The following ADIPOR2 variants were observed in gnomAD, a reference collection of about 807,000 sequenced individuals.
ADIPOR2 encodes the protein adiponectin receptor protein 2.
ADIPOR2 carries 18 observed loss-of-function variants against 40.9 expected under a neutral mutation model. That is an observed-to-expected ratio of 0.44 (90% CI 0.30 to 0.65). The LOEUF is 0.65. ADIPOR2 is among the 30% of genes least tolerant of loss of function. The pLI, the probability that ADIPOR2 is intolerant of heterozygous loss-of-function variation, is 0.09. For missense variants in ADIPOR2, 283 were observed against 479.2 expected (o/e 0.59, Z 3.82); for synonymous variants, 165 against 166.4 (o/e 0.99, Z 0.06).
chr12:1,729,898 TAATG>T (rs1386949111), intron 1 of ADIPOR2, among the ~76,000 whole-genome samples: 1 of 152,088 alleles, frequency 6.6e-6, no homozygotes, highest in Non-Finnish European at 1.5e-5. Context: ...TTGAACAAAT[TAATG>T]AATGAATGAA....
chr12:1,708,238 A>G (rs924668568), intron 1 of ADIPOR2, among the ~76,000 whole-genome samples: 16 of 146,156 alleles, frequency 1.1e-4, no homozygotes, highest in Admixed American at 2.1e-4. Flanking sequence ...TTTGGTGTTC[A>G]GTTTTGGGTG....
chr12:1,717,828 A>G (rs1310141820), intron 1 of ADIPOR2, among the ~76,000 whole-genome samples: 1 of 152,044 alleles, frequency 6.6e-6, no homozygotes, highest in African/African-American at 2.4e-5. Context: ...GTAAAATATA[A>G]TGTATTTTGT....
intron 1 of ADIPOR2, among the ~76,000 whole-genome samples, chr12:1,692,657 A>G (rs970414899): frequency 6.7e-6 from 1 of 150,358 alleles, no homozygotes; most frequent in Admixed American, 6.6e-5. Flanking sequence ...TTTTTTTTCT[A>G]TCCCTAGGCT....
intron 1 of ADIPOR2, among the ~76,000 whole-genome samples, chr12:1,744,733 T>TA (rs1565646035): frequency 6.6e-6 from 1 of 152,236 alleles, no homozygotes; most frequent in Admixed American, 6.5e-5. Context: ...ACCTTACAAT[T>TA]AAAAAATCCT....
intron 2 of ADIPOR2, among the ~76,000 whole-genome samples, chr12:1,767,613 A>G (rs1179514783): frequency 6.6e-6 from 1 of 152,182 alleles, no homozygotes; most frequent in African/African-American, 2.4e-5. Context: ...CAACCTGTCA[A>G]CTTGTAAAAA....
At chr12:1,765,218 T>C (rs1862352076) in intron 2 of ADIPOR2, among the ~76,000 whole-genome samples, 1 of 152,196 alleles carries the variant, frequency 6.6e-6, no homozygotes, top group Non-Finnish European at 1.5e-5. Context: ...AATTTGTATT[T>C]TGTGATTCAC....
chr12:1,711,547 T>G lies in ADIPOR2; in HGVS notation c.-87+20356T>G, dbSNP rs551451020. Reference sequence around the variant, plus strand: ...GGGTAGACAGAAATTTACCCTGGCTTTTAAAGGAATAGGGTACACTGTTTT... The same window carrying G: ...GGGTAGACAGAAATTTACCCTGGCTGTTAAAGGAATAGGGTACACTGTTTT... On this transcript the variant is annotated intron_variant, in intron 1 of 7. Coordinates refer to ENST00000357103, the MANE Select transcript of ADIPOR2 (RefSeq NM_024551.3). Among the ~76,000 whole-genome samples, 20 of 152,208 alleles carry G rather than the reference T, an allele frequency of 1.3e-4. No individual in the cohort carries two copies. In the South Asian group the frequency reaches 4.1e-3, roughly 32 times the overall value.
chr12:1,739,518 A>G (rs2154442860), intron 1 of ADIPOR2, among the ~76,000 whole-genome samples: 1 of 152,372 alleles, frequency 6.6e-6, no homozygotes, highest in Non-Finnish European at 1.5e-5. Context: ...ATGTTTTGTG[A>G]TAGATGAATG....
intron 1 of ADIPOR2, among the ~76,000 whole-genome samples, chr12:1,725,486 A>G (rs906792846): frequency 2.0e-5 from 3 of 152,224 alleles, no homozygotes; most frequent in African/African-American, 7.2e-5. Context: ...TACATGTAAA[A>G]TGATGCTATT....
chr12:1,720,746 C>A (rs1485717002), intron 1 of ADIPOR2, among the ~76,000 whole-genome samples: 1 of 152,148 alleles, frequency 6.6e-6, no homozygotes, highest in African/African-American at 2.4e-5. Flanking sequence ...ATGGAATTGG[C>A]TTGTAGCCTA....
rs1312970738 is a variant in ADIPOR2 at position 1,788,161 on chromosome 12, A to AC, written c.*2093dup. On this transcript the variant is annotated 3_prime_UTR_variant, in exon 8 of 8. Transcript: ENST00000357103. ...GCAGCCTCTGGGTGCAGTCACCCAC[A>AC]CCCCAAAGCTGGAAGGATCTGGTTC... 1 of 152,768 alleles carries AC rather than the reference A, an allele frequency of 6.5e-6. No individual in the cohort carries two copies. Among genetic ancestry groups the AC allele is most frequent in the African/African-American group, 2.4e-5 (1 of 41,446 alleles). The allele number at this position is 152,768 out of a possible 1,614,324, so 9.5% of individuals were successfully genotyped here.
chr12:1,721,800 G>T (rs535668820), intron 1 of ADIPOR2, among the ~76,000 whole-genome samples: 20 of 152,154 alleles, frequency 1.3e-4, no homozygotes, highest in Non-Finnish European at 2.5e-4. Flanking sequence ...AAAGATTAGA[G>T]GGATGAGCAT....
chr12:1,712,318 C>G (rs576970541), intron 1 of ADIPOR2, among the ~76,000 whole-genome samples: 62 of 152,096 alleles, frequency 4.1e-4, no homozygotes, highest in Non-Finnish European at 8.2e-4. Flanking sequence ...GGAGTAGCAC[C>G]TGGTATCCAA....
intron 1 of ADIPOR2, among the ~76,000 whole-genome samples, chr12:1,747,499 TACTC>T (rs2094758193): frequency 6.6e-6 from 1 of 152,190 alleles, no homozygotes; most frequent in African/African-American, 2.4e-5. Context: ...TAATTACAGG[TACTC>T]TTTCTTTTTT....
At chr12:1,724,225 C>T (rs903093259) in intron 1 of ADIPOR2, among the ~76,000 whole-genome samples, 2 of 152,160 alleles carry the variant, frequency 1.3e-5, no homozygotes, top group Non-Finnish European at 2.9e-5. Context: ...TCGTGATCCA[C>T]CTGCCTTGGC....
rs1335863962 is a variant in ADIPOR2 at position 1,786,213 on chromosome 12, T to C, written c.*141T>C. On this transcript the variant is annotated 3_prime_UTR_variant, in exon 8 of 8. Coordinates refer to ENST00000357103, the MANE Select transcript of ADIPOR2 (RefSeq NM_024551.3). The stretch of plus-strand genomic sequence containing the variant: ...GGGCTTTGTGACGGCCCAGTGGCTC[T>C]GCGTGGTACATGACTGAGAAGAGAA... 21 of 1,066,698 alleles carry C rather than the reference T, an allele frequency of 2.0e-5. No homozygotes were observed. The highest frequency in any genetic ancestry group is 2.8e-5 in the Non-Finnish European group (21 of 743,076). 66.1% of individuals were successfully genotyped at this position (1,066,698 alleles called of 1,614,324 possible). A position where few individuals can be genotyped will look rare whatever the true frequency, so the allele number is the denominator to read the frequency against.
intron 2 of ADIPOR2, chr12:1,757,299 T>G: frequency 1.5e-6 from 1 of 652,870 alleles, no homozygotes; most frequent in Non-Finnish European, 2.8e-6. Flanking sequence ...CAGATACCCT[T>G]TTCCTCAGGG....
At chr12:1,710,758 G>C (rs545341263) in intron 1 of ADIPOR2, among the ~76,000 whole-genome samples, 1 of 152,186 alleles carries the variant, frequency 6.6e-6, no homozygotes, top group South Asian at 2.1e-4. Context: ...GCCATGAGGG[G>C]AACTCTGTAG....
intron 2 of ADIPOR2, among the ~76,000 whole-genome samples, chr12:1,764,826 T>C (rs1332492150): frequency 1.3e-5 from 2 of 152,220 alleles, no homozygotes. Context: ...TTTTGCTCAG[T>C]ATGATGTTTG....
Sources: gnomAD v4.1 joint callset for allele counts (sites outside exome capture counted in the v4.1 genomes callset) on GRCh38, gnomAD v4.1.1 for gene constraint, MANE v1.5 for transcripts, NCBI Gene and HGNC (gene_info 2026-07-23, HGNC 2026-07-21) for gene names.